The following CTIF variants were observed in gnomAD, a reference collection of about 807,000 sequenced individuals.
CTIF encodes CBP80/20-dependent translation initiation factor.
A neutral mutation model predicts 66.0 loss-of-function variants in CTIF; 21 were observed. The observed-to-expected ratio is 0.32, with a 90% CI of 0.23 to 0.46. CTIF has a LOEUF of 0.46. Ranked by LOEUF, CTIF falls within the 20% of genes least tolerant of loss-of-function variation. The pLI is 1.00. For missense variants in CTIF, 739 were observed against 812.7 expected, an observed-to-expected ratio of 0.91 and a Z score of 1.10; for synonymous variants, 345 against 326.4, an observed-to-expected ratio of 1.06 and a Z score of -0.62.
intron 9 of CTIF, among the ~76,000 whole-genome samples, chr18:48,807,566 C>T (rs1568235276): frequency 9.9e-6 from 1 of 101,178 alleles, no homozygotes; most frequent in Non-Finnish European, 2.0e-5. Flanking sequence ...GTTTCATAAA[C>T]TTTTTGTTGT....
chr18:48,617,300 G>C (rs1183203422), intron 1 of CTIF, among the ~76,000 whole-genome samples: 1 of 152,196 alleles, frequency 6.6e-6, no homozygotes, highest in Non-Finnish European at 1.5e-5. Flanking sequence ...CTGCTGTGCT[G>C]AGCTCTAGTC....
At chr18:48,669,820 T>C (rs533436239) in intron 5 of CTIF, among the ~76,000 whole-genome samples, 1 of 116,268 alleles carries the variant, frequency 8.6e-6, no homozygotes, top group Non-Finnish European at 1.8e-5. Flanking sequence ...TATATATATA[T>C]ATATATATAT....
chr18:48,697,331 C>G (rs1342341965), intron 6 of CTIF, among the ~76,000 whole-genome samples: 1 of 152,238 alleles, frequency 6.6e-6, no homozygotes, highest in African/African-American at 2.4e-5. Context: ...AAGTAACTAT[C>G]TAGACCATTC....
chr18:48,577,286 G>A (rs957635863), intron 1 of CTIF, among the ~76,000 whole-genome samples: 4 of 152,190 alleles, frequency 2.6e-5, no homozygotes, highest in Non-Finnish European at 5.9e-5. Context: ...AAATAGTCTT[G>A]TTGGCCCTAT....
At chr18:48,769,593 C>T (rs996503181) in intron 9 of CTIF, among the ~76,000 whole-genome samples, 2 of 152,244 alleles carry the variant, frequency 1.3e-5, no homozygotes, top group Admixed American at 1.3e-4. Flanking sequence ...CCAGCAGTCA[C>T]AGGAGCTTGA....
chr18:48,823,249 G>A (rs978205266), intron 10 of CTIF, among the ~76,000 whole-genome samples: 1 of 150,702 alleles, frequency 6.6e-6, no homozygotes, highest in Non-Finnish European at 1.5e-5. Flanking sequence ...CCAGACCAAC[G>A]TCAAGATGCT....
intron 10 of CTIF, among the ~76,000 whole-genome samples, chr18:48,827,210 C>T (rs1218461960): frequency 6.6e-6 from 1 of 152,184 alleles, no homozygotes; most frequent in Non-Finnish European, 1.5e-5. Context: ...AACAAAGGAG[C>T]ATTCCTTTAT....
intron 9 of CTIF, among the ~76,000 whole-genome samples, chr18:48,784,840 T>C (rs1179887677): frequency 1.3e-5 from 2 of 152,162 alleles, no homozygotes; most frequent in Non-Finnish European, 2.9e-5. Flanking sequence ...CAGAGAAACA[T>C]GTATGCACAT....
At chr18:48,731,050 G>A (rs945704983) in intron 7 of CTIF, among the ~76,000 whole-genome samples, 18 of 152,178 alleles carry the variant, frequency 1.2e-4, no homozygotes, top group Non-Finnish European at 1.9e-4. Context: ...CCAGGGAAAA[G>A]GCATGAGGAT....
intron 1 of CTIF, among the ~76,000 whole-genome samples, chr18:48,540,600 T>G (rs28676277): frequency 2.9e-5 from 4 of 140,044 alleles, no homozygotes; most frequent in South Asian, 2.5e-4. Context: ...GGCTGGGGGG[T>G]GTGAGCACCG....
chr18:48,781,271 G>A (rs912335353), intron 9 of CTIF, among the ~76,000 whole-genome samples: 8 of 152,218 alleles, frequency 5.3e-5, no homozygotes, highest in African/African-American at 1.7e-4. Context: ...AGCGGGGGCC[G>A]GGCCTGCAGA....
At chr18:48,583,384 G>A (rs906415887) in intron 1 of CTIF, among the ~76,000 whole-genome samples, 2 of 152,240 alleles carry the variant, frequency 1.3e-5, no homozygotes, top group Non-Finnish European at 2.9e-5. Context: ...GAAGTGTTTA[G>A]GCATCATGAG....
intron 10 of CTIF, among the ~76,000 whole-genome samples, chr18:48,855,058 T>A (rs1174739552): frequency 6.6e-6 from 1 of 152,220 alleles, no homozygotes; most frequent in African/African-American, 2.4e-5. Context: ...CTGGTCTGTC[T>A]TGTTCTCTGC....
At chr18:48,720,383 G>A (rs574405196) in intron 7 of CTIF, among the ~76,000 whole-genome samples, 290 of 152,266 alleles carry the variant, frequency 1.9e-3, no homozygotes, top group Middle Eastern at 3.4e-3. Context: ...GGCCCTCGCA[G>A]ACAGCTCAGC....
At chr18:48,639,082 C>G (rs1000214006) in intron 3 of CTIF, among the ~76,000 whole-genome samples, 4 of 152,234 alleles carry the variant, frequency 2.6e-5, no homozygotes, top group Admixed American at 1.3e-4. Context: ...GACATGTGTG[C>G]CTGGTGCCGT....
At chr18:48,818,406 A>G (rs1449894520) in intron 10 of CTIF, among the ~76,000 whole-genome samples, 1 of 152,128 alleles carries the variant, frequency 6.6e-6, no homozygotes, top group African/African-American at 2.4e-5. Flanking sequence ...TGGTGGCCCC[A>G]TTTTCTGAGA....
intron 9 of CTIF, among the ~76,000 whole-genome samples, chr18:48,800,971 G>A (rs1414187232): frequency 2.0e-5 from 3 of 152,232 alleles, no homozygotes; most frequent in Non-Finnish European, 2.9e-5. Flanking sequence ...CTTTGAGTCT[G>A]CCCACTCAAC....
chr18:48,815,642 C>A lies in CTIF; in HGVS notation c.1372-1579C>A, dbSNP rs189830379. Among the ~76,000 whole-genome samples, 6 of 152,368 alleles carry A rather than the reference C, an allele frequency of 3.9e-5. No homozygotes were observed. In the East Asian group the frequency reaches 1.2e-3, roughly 29 times the overall value. On this transcript the variant is annotated intron_variant, in intron 9 of 11. Transcript: ENST00000256413. ...CACTGCAGGGCTTCTCAGCCAGCCC[C>A]TGACCTGCCACCTGAGGAGACCAAG...
intron 1 of CTIF, among the ~76,000 whole-genome samples, chr18:48,562,477 T>C (rs2089185721): frequency 6.6e-6 from 1 of 152,212 alleles, no homozygotes; most frequent in Non-Finnish European, 1.5e-5. Context: ...CTAGAACTGA[T>C]GTGGCATGGT....
Sources: gnomAD v4.1 joint callset for allele counts (sites outside exome capture counted in the v4.1 genomes callset) on GRCh38, gnomAD v4.1.1 for gene constraint, MANE v1.5 for transcripts, NCBI Gene and HGNC (gene_info 2026-07-23, HGNC 2026-07-21) for gene names.